GABRG3: variants seen among roughly 807,000 people sequenced by gnomAD.
GABRG3 encodes the protein gamma-aminobutyric acid receptor subunit gamma-3.
Under a neutral mutation model 48.8 loss-of-function variants are expected in GABRG3, and 25 were observed. The ratio of observed to expected loss-of-function variants is 0.51; its 90% CI spans 0.37 to 0.72. The LOEUF (loss-of-function observed/expected upper bound fraction) is 0.72, where lower values mean the gene tolerates loss of function less well. GABRG3 is among the 30% of genes least tolerant of loss of function. The pLI, the probability that GABRG3 is intolerant of heterozygous loss-of-function variation, is 0.00. For synonymous variants in GABRG3, 227 were observed against 217.6 expected (o/e 1.04, Z -0.38); for missense variants, 394 against 577.9 (o/e 0.68, Z 3.26).
chr15:27,366,858 T>A (rs1895220624), intron 5 of GABRG3, among the ~76,000 whole-genome samples: 1 of 152,168 alleles, frequency 6.6e-6, no homozygotes, highest in Non-Finnish European at 1.5e-5. Context: ...TGACCTGGCC[T>A]CACTGTTTCT....
At chr15:27,314,836 G>A (rs963107515) in intron 3 of GABRG3, among the ~76,000 whole-genome samples, 8 of 152,156 alleles carry the variant, frequency 5.3e-5, no homozygotes, top group African/African-American at 1.9e-4. Flanking sequence ...CCACTTATAT[G>A]AGTTATTTAA....
At chr15:27,233,730 A>G (rs1412260126) in intron 3 of GABRG3, among the ~76,000 whole-genome samples, 1 of 152,214 alleles carries the variant, frequency 6.6e-6, no homozygotes, top group African/African-American at 2.4e-5. Flanking sequence ...TGAACCCACT[A>G]CATGAACATT....
chr15:27,353,955 C>A (rs367567592), intron 5 of GABRG3, among the ~76,000 whole-genome samples: 1 of 152,158 alleles, frequency 6.6e-6, no homozygotes, highest in South Asian at 2.1e-4. Flanking sequence ...TTTGCTCTCT[C>A]CTGCACCTCC....
At chr15:27,392,368 G>C (rs1356650025) in intron 5 of GABRG3, among the ~76,000 whole-genome samples, 1 of 152,050 alleles carries the variant, frequency 6.6e-6, no homozygotes, top group Non-Finnish European at 1.5e-5. Flanking sequence ...GACATTTTTG[G>C]GGATGACTGG....
At chr15:27,307,870 A>AAATAAACATGTTTATATATAAATATATAT (rs1218732567) in intron 3 of GABRG3, among the ~76,000 whole-genome samples, 36 of 135,038 alleles carry the variant, frequency 2.7e-4, no homozygotes, top group African/African-American at 7.8e-4. Context: ...AATATATATA[A>AAATAAACATGTTTATATATAAATATATAT]ATGTATATGT....
At chr15:27,371,935 C>T (rs1475929552) in intron 5 of GABRG3, among the ~76,000 whole-genome samples, 4 of 152,102 alleles carry the variant, frequency 2.6e-5, no homozygotes, top group African/African-American at 9.7e-5. Context: ...AAGTGACATG[C>T]TGGATCTTTT....
rs1490804778 is a variant in GABRG3, at chr15:27,533,203, G to A, written c.*322G>A. The A allele has an allele frequency of 3.5e-6, 1 of 283,686 alleles. No homozygotes were observed. The highest frequency in any genetic ancestry group is 2.2e-5 in the African/African-American group (1 of 45,302). The allele number at this position is 283,686 out of a possible 1,614,324, so 17.6% of individuals were successfully genotyped here. A position where few individuals can be genotyped will look rare whatever the true frequency, so the allele number is the denominator to read the frequency against. On this transcript the variant is annotated 3_prime_UTR_variant, in exon 10 of 10. Transcript: ENST00000615808. ...GCTGATTACCCTTGCAAAGAAATCT[G>A]TAAAATGTGCACGTGAATGTCTGAG... is the stretch of plus-strand genomic sequence containing the variant.
chr15:27,024,443 A>G (rs889084749), intron 2 of GABRG3, among the ~76,000 whole-genome samples: 3 of 152,166 alleles, frequency 2.0e-5, no homozygotes, highest in African/African-American at 7.2e-5. Context: ...TAGGCCTTAC[A>G]GTTAGGTCTC....
At chr15:27,100,828 T>G (rs1319896039) in intron 3 of GABRG3, among the ~76,000 whole-genome samples, 2 of 152,208 alleles carry the variant, frequency 1.3e-5, no homozygotes, top group East Asian at 3.8e-4. Context: ...CTTACTCAGC[T>G]TGATACTAAG....
chr15:27,318,242 T>C (rs1893299850), intron 3 of GABRG3, among the ~76,000 whole-genome samples: 1 of 152,196 alleles, frequency 6.6e-6, no homozygotes, highest in South Asian at 2.1e-4. Flanking sequence ...ATTGGAATCA[T>C]TTTCTTCAGG....
chr15:27,311,641 G>GA (rs919640224), intron 3 of GABRG3, among the ~76,000 whole-genome samples: 130 of 147,310 alleles, frequency 8.8e-4, no homozygotes, highest in Middle Eastern at 6.9e-3. Flanking sequence ...TGGGGATAGG[G>GA]AAAAAAAAAA....
At chr15:27,388,349 AG>A (rs1321391222) in intron 5 of GABRG3, among the ~76,000 whole-genome samples, 1 of 60,646 alleles carries the variant, frequency 1.6e-5, no homozygotes, top group African/African-American at 7.0e-5. Context: ...GGTGGGAGGG[AG>A]GGTAAGGAAG....
chr15:27,189,936 G>T (rs895968395), intron 3 of GABRG3, among the ~76,000 whole-genome samples: 9 of 152,122 alleles, frequency 5.9e-5, no homozygotes, highest in African/African-American at 2.2e-4. Flanking sequence ...TTAGCATGAA[G>T]TGTTGTTGAA....
chr15:27,156,688 C>G (rs1009833166), intron 3 of GABRG3, among the ~76,000 whole-genome samples: 1 of 152,138 alleles, frequency 6.6e-6, no homozygotes, highest in Admixed American at 6.5e-5. Flanking sequence ...AAATTTTCCT[C>G]AGCTCACTGT....
At chr15:27,045,490 C>T (rs887146023) in intron 3 of GABRG3, among the ~76,000 whole-genome samples, 6 of 152,268 alleles carry the variant, frequency 3.9e-5, no homozygotes, top group Admixed American at 1.3e-4. Flanking sequence ...GCATCTACTG[C>T]AAGATAAACT....
intron 2 of GABRG3, among the ~76,000 whole-genome samples, chr15:26,984,513 T>G (rs929044702): frequency 6.6e-6 from 1 of 152,224 alleles, no homozygotes; most frequent in Non-Finnish European, 1.5e-5. Context: ...TTATTTCTTC[T>G]CAACTAACTT....
intron 5 of GABRG3, among the ~76,000 whole-genome samples, chr15:27,440,255 C>T (rs1888744239): frequency 6.6e-6 from 1 of 152,182 alleles, no homozygotes; most frequent in African/African-American, 2.4e-5. Context: ...GGGAACAAAC[C>T]AGCTGCGGAG....
intron 3 of GABRG3, among the ~76,000 whole-genome samples, chr15:27,048,740 TG>T (rs1162207215): frequency 6.6e-6 from 1 of 152,220 alleles, no homozygotes; most frequent in Non-Finnish European, 1.5e-5. Context: ...TCCTGAGAGA[TG>T]TGGGGATTAA....
At chr15:27,458,993 G>A (rs141592011) in intron 5 of GABRG3, among the ~76,000 whole-genome samples, 2,218 of 152,278 alleles carry the variant, frequency 0.015, 63 homozygotes, top group African/African-American at 0.051. Context: ...ATCATTGCTC[G>A]ATTCTTCCAA....
Sources: allele counts gnomAD v4.1 joint callset (sites outside exome capture counted in the v4.1 genomes callset), GRCh38; gene constraint gnomAD v4.1.1; transcripts MANE v1.5; gene names NCBI Gene and HGNC (gene_info 2026-07-23, HGNC 2026-07-21).